The following PDCD1LG2 variants were observed in gnomAD, a reference collection of about 807,000 sequenced individuals.
PDCD1LG2 encodes programmed cell death 1 ligand 2.
A neutral mutation model predicts 28.2 loss-of-function variants in PDCD1LG2; 32 were observed. The observed-to-expected ratio is 1.13, with a 90% CI of 0.86 to 1.52. The LOEUF is 1.52. PDCD1LG2 is among the 40% of genes most tolerant of loss of function. PDCD1LG2 has a pLI of 0.00. For missense variants in PDCD1LG2, 385 were observed against 323.8 expected (o/e 1.19, Z -1.45); for synonymous variants, 116 against 120.2 (o/e 0.97, Z 0.23).
chr9:5,558,778 G>T (rs183517582), intron 5 of PDCD1LG2, among the ~76,000 whole-genome samples: 47 of 151,772 alleles, frequency 3.1e-4, no homozygotes, highest in African/African-American at 1.1e-3. Flanking sequence ...AGGAATTGTT[G>T]CCAAAAGAAA....
At chr9:5,550,221 A>G (rs1348130875) in intron 4 of PDCD1LG2, among the ~76,000 whole-genome samples, 1 of 152,226 alleles carries the variant, frequency 6.6e-6, no homozygotes, top group East Asian at 1.9e-4. Context: ...GTCTCTAACA[A>G]AATTCTTCAG....
chr9:5,544,872 A>G (rs1820761938), intron 3 of PDCD1LG2, among the ~76,000 whole-genome samples: 1 of 152,206 alleles, frequency 6.6e-6, no homozygotes, highest in African/African-American at 2.4e-5. Flanking sequence ...GGTTACATTA[A>G]AACCCTGGAT....
intron 3 of PDCD1LG2, among the ~76,000 whole-genome samples, chr9:5,537,358 G>C (rs1820600086): frequency 1.3e-5 from 2 of 152,130 alleles, no homozygotes; most frequent in South Asian, 4.1e-4. Flanking sequence ...TTGGAAAAGA[G>C]AGCCATATCC....
At chr9:5,557,539 C>T (rs2129919255) in intron 4 of PDCD1LG2, 79 bp from the exon 5 acceptor site, 2 of 1,520,440 alleles carry the variant, frequency 1.3e-6, no homozygotes, top group Admixed American at 1.7e-5. Flanking sequence ...TGTTGGCTGT[C>T]ACCCACTCAT....
intron 3 of PDCD1LG2, among the ~76,000 whole-genome samples, chr9:5,540,448 G>A (rs1820666256): frequency 6.6e-6 from 1 of 151,970 alleles, no homozygotes; most frequent in Non-Finnish European, 1.5e-5. Flanking sequence ...CAAAAATCTG[G>A]TTATTTGAAA....
intron 6 of PDCD1LG2, among the ~76,000 whole-genome samples, chr9:5,566,500 G>C (rs1816668420): frequency 6.6e-6 from 1 of 152,210 alleles, no homozygotes; most frequent in South Asian, 2.1e-4. Context: ...AGATGTAAGA[G>C]TTGGCATATG....
chr9:5,549,215 A>C, intron 3 of PDCD1LG2, 120 bp from the exon 4 acceptor site: 4 of 955,480 alleles, frequency 4.2e-6, no homozygotes, highest in Non-Finnish European at 3.1e-6. Flanking sequence ...TTTACAAATG[A>C]TAACCATTAT....
chr9:5,557,761 G>A lies in PDCD1LG2; in HGVS notation c.766+9G>A, dbSNP rs762095511. On this transcript the variant is annotated intron_variant, in intron 5 of 6. Coordinates refer to ENST00000397747, the MANE Select transcript of PDCD1LG2 (RefSeq NM_025239.4). ...GCTGTATTCTTCAAAAGGTAAGTGA[G>A]TTTTATTCATGGTAACCCAATGCAC... 16 of 1,613,672 alleles carry A rather than the reference G, an allele frequency of 9.9e-6. No individual in the cohort carries two copies. The highest frequency in any genetic ancestry group is 4.5e-5 in the East Asian group (2 of 44,894).
chr9:5,562,706 T>C (rs1339845318), intron 5 of PDCD1LG2, among the ~76,000 whole-genome samples: 1 of 152,228 alleles, frequency 6.6e-6, no homozygotes, highest in Non-Finnish European at 1.5e-5. Flanking sequence ...CATCCCATTA[T>C]GTGAACTTGT....
At chr9:5,553,221 G>C (rs1816372938) in intron 4 of PDCD1LG2, among the ~76,000 whole-genome samples, 1 of 152,132 alleles carries the variant, frequency 6.6e-6, no homozygotes, top group Admixed American at 6.5e-5. Flanking sequence ...AAATGAATTA[G>C]GCAAGTTGGT....
At chr9:5,516,618 G>T (rs1327207611) in intron 1 of PDCD1LG2, among the ~76,000 whole-genome samples, 2 of 152,188 alleles carry the variant, frequency 1.3e-5, no homozygotes, top group African/African-American at 4.8e-5. Context: ...CGTGCCGAGG[G>T]GTGCCTGCAG....
At position 5,557,617 on chromosome 9, in the gene PDCD1LG2, G is replaced by A. The variant is rs761019876; in HGVS notation, c.632-1G>A. On this transcript the variant is annotated splice_acceptor_variant, in intron 4 of 6. Coordinates refer to ENST00000397747, the MANE Select transcript of PDCD1LG2 (RefSeq NM_025239.4). LOFTEE classifies it high-confidence loss of function. ...GATTCTGGTGCTTTTCCTTTGCCCA[G>A]GTCAGATGGAACCCAGGACCCATCC... 4 of 1,613,902 alleles carry A rather than the reference G, an allele frequency of 2.5e-6. No individual in the cohort carries two copies. Among genetic ancestry groups the A allele is most frequent in the South Asian group, 2.2e-5 (2 of 91,078 alleles).
In PDCD1LG2 at chr9:5,557,710, G is replaced by A. The variant is rs1034337814; in HGVS notation, c.724G>A (p.Ala242Thr). ...TTTCATTTTCATAGCCACAGTGATA[G>A]CCCTAAGAAAACAACTCTGTCAAAA... ...IAFIFIATVI[A>T]LRKQLCQKLY... Residue 242 changes from alanine (A) to threonine (T), a missense_variant, in exon 5 of 7, where the codon GCC becomes ACC. Physicochemically the swap from Ala to Thr is moderately conservative, Grantham distance 58. Coordinates refer to ENST00000397747, the MANE Select transcript of PDCD1LG2 (RefSeq NM_025239.4). 2.5e-6 allele frequency: 4 copies of A among 1,613,930 alleles called. No homozygotes were observed. Among genetic ancestry groups the A allele is most frequent in the South Asian group, 1.1e-5 (1 of 91,080 alleles).
chr9:5,563,897 A>T (rs919030034), intron 6 of PDCD1LG2, among the ~76,000 whole-genome samples: 5 of 152,216 alleles, frequency 3.3e-5, no homozygotes, highest in African/African-American at 1.2e-4. Flanking sequence ...GAATGAAGCC[A>T]ACCTACATCA....
chr9:5,522,598 G>C lies in PDCD1LG2; in HGVS notation c.52G>C (p.Ala18Pro), dbSNP rs1037381642. Residue 18 changes from alanine (A) to proline (P), a missense_variant, in exon 2 of 7, where the codon GCA becomes CCA. Ala to Pro is a conservative substitution (Grantham distance 27). Transcript: ENST00000397747. ...LSLELQLHQI[A>P]ALFTVTVPKE... ...CCTGGAATTGCAGCTTCACCAGATA[G>C]CAGGTAAGAAAGGACAAAGGGAGAG... 7.4e-6 allele frequency: 12 copies of C among 1,613,474 alleles called. No homozygotes were observed. The highest frequency in any genetic ancestry group is 1.6e-4 in the Middle Eastern group (1 of 6,082).
At chr9:5,520,502 C>T (rs921795254) in intron 1 of PDCD1LG2, among the ~76,000 whole-genome samples, 1 of 152,150 alleles carries the variant, frequency 6.6e-6, no homozygotes, top group African/African-American at 2.4e-5. Flanking sequence ...TGCATGTGGA[C>T]ATCCAGTTGT....
chr9:5,536,348 A>G (rs1433126924), intron 3 of PDCD1LG2, among the ~76,000 whole-genome samples: 4 of 152,192 alleles, frequency 2.6e-5, no homozygotes, highest in Non-Finnish European at 5.9e-5. Flanking sequence ...AAAGACCCTC[A>G]GTTGTTACAG....
At chr9:5,536,379 C>T (rs1484122456) in intron 3 of PDCD1LG2, among the ~76,000 whole-genome samples, 2 of 152,112 alleles carry the variant, frequency 1.3e-5, no homozygotes, top group Non-Finnish European at 2.9e-5. Flanking sequence ...CTCCTCACAC[C>T]TCAACCATCA....
chr9:5,562,112 C>G (rs972888687), intron 5 of PDCD1LG2, among the ~76,000 whole-genome samples: 1 of 152,034 alleles, frequency 6.6e-6, no homozygotes, highest in African/African-American at 2.4e-5. Flanking sequence ...TTTCAGGAAC[C>G]CAGGCAATGG....
Sources: gnomAD v4.1 joint callset for allele counts (sites outside exome capture counted in the v4.1 genomes callset) on GRCh38, gnomAD v4.1.1 for gene constraint, MANE v1.5 for transcripts, NCBI Gene and HGNC (gene_info 2026-07-23, HGNC 2026-07-21) for gene names.